Variants in FBXO34 observed in about 807,000 individuals in gnomAD.
The protein encoded by FBXO34 is F-box protein 34, also known as F-box only protein 34.
In FBXO34, 12 loss-of-function variants were observed where a neutral mutation model predicts 24.5. The ratio of observed to expected loss-of-function variants is 0.49; its 90% CI spans 0.31 to 0.79. The LOEUF (loss-of-function observed/expected upper bound fraction) is 0.79, where lower values mean the gene tolerates loss of function less well. Among genes scored for constraint, FBXO34 ranks in the 30% least tolerant of loss-of-function variants. The pLI is 0.04. For missense variants in FBXO34, 823 were observed against 857.7 expected (o/e 0.96, Z 0.51); for synonymous variants, 320 against 311.9 (o/e 1.03, Z -0.27).
the FBXO34 span, among the ~76,000 whole-genome samples, chr14:55,379,322 G>A: frequency 3.9e-5 from 6 of 152,020 alleles, no homozygotes; most frequent in East Asian, 5.9e-4. Context: ...GATCGCTTGA[G>A]CCCAGGAGTT....
chr14:55,369,416 A>C, downstream of FBXO34: 2 of 448,520 alleles, frequency 4.5e-6, no homozygotes, highest in East Asian at 3.4e-5. Flanking sequence ...CTGTTCTCTT[A>C]ATTATCATAA....
chr14:55,292,460 A>G (rs114926306), intron 1 of FBXO34, among the ~76,000 whole-genome samples: 30 of 152,240 alleles, frequency 2.0e-4, no homozygotes, highest in African/African-American at 6.5e-4. Flanking sequence ...CCTAGGCTCA[A>G]GTGATCCTCA....
At chr14:55,363,023 C>CT (rs398057110), downstream of FBXO34, among the ~76,000 whole-genome samples, 3,319 of 132,302 alleles carry the variant, frequency 0.025, 76 homozygotes, top group South Asian at 0.084. Context: ...TTCTCTCTCT[C>CT]TTTTTTTTTT....
chr14:55,316,104 CT>C (rs961207128), intron 1 of FBXO34, among the ~76,000 whole-genome samples: 5 of 150,788 alleles, frequency 3.3e-5, no homozygotes, highest in East Asian at 1.9e-4. Context: ...TTTTAGTCTT[CT>C]TTTTTTTTGG....
chr14:55,363,452 C>T (rs922941427), downstream of FBXO34, among the ~76,000 whole-genome samples: 6 of 151,920 alleles, frequency 3.9e-5, no homozygotes, highest in South Asian at 4.1e-4. Flanking sequence ...CTCAGCTTCC[C>T]GAGTAGCTGG....
At chr14:55,344,909 TTGTC>T (rs1393967520) in intron 1 of FBXO34, among the ~76,000 whole-genome samples, 26 of 151,884 alleles carry the variant, frequency 1.7e-4, no homozygotes, top group Admixed American at 1.2e-3. Context: ...TTTGTTGTAA[TTGTC>T]TGTTTGCTTT....
the FBXO34 span, among the ~76,000 whole-genome samples, chr14:55,385,485 G>A: frequency 1.3e-5 from 2 of 152,222 alleles, no homozygotes; most frequent in East Asian, 1.9e-4. Context: ...TAGAGACAGG[G>A]TTTTGCCATG....
At chr14:55,302,140 G>A (rs186855669) in intron 1 of FBXO34, among the ~76,000 whole-genome samples, 1 of 152,332 alleles carries the variant, frequency 6.6e-6, no homozygotes, top group Non-Finnish European at 1.5e-5. Flanking sequence ...CAAAAATAAA[G>A]CAGCAGTCCT....
intron 1 of FBXO34, among the ~76,000 whole-genome samples, chr14:55,305,481 G>A (rs1040843466): frequency 6.6e-6 from 1 of 151,580 alleles, no homozygotes; most frequent in Non-Finnish European, 1.5e-5. Context: ...GATCACTTGA[G>A]GTCAGGAGTT....
intron 1 of FBXO34, among the ~76,000 whole-genome samples, chr14:55,322,842 C>T (rs146345475): frequency 6.6e-6 from 1 of 151,832 alleles, no homozygotes; most frequent in East Asian, 1.9e-4. Flanking sequence ...TTGGATTTTA[C>T]ATTTTACTCA....
chr14:55,385,671 C>T, the FBXO34 span, among the ~76,000 whole-genome samples: 1 of 152,188 alleles, frequency 6.6e-6, no homozygotes, highest in African/African-American at 2.4e-5. Context: ...GTGGGCCCCA[C>T]CCCTCACCTC....
chr14:55,430,916 G>GT, the FBXO34 span, among the ~76,000 whole-genome samples: 1 of 152,116 alleles, frequency 6.6e-6, no homozygotes, highest in African/African-American at 2.4e-5. Context: ...AGTTTGCATA[G>GT]TCCTGTAGTT....
chr14:55,274,689 T>A (rs1462080595), intron 1 of FBXO34, among the ~76,000 whole-genome samples: 2 of 152,190 alleles, frequency 1.3e-5, no homozygotes, highest in Non-Finnish European at 2.9e-5. Context: ...TTTAAATTCT[T>A]AAAAATTTTT....
intron 1 of FBXO34, among the ~76,000 whole-genome samples, chr14:55,314,799 G>A (rs530933750): frequency 4.6e-5 from 7 of 152,168 alleles, no homozygotes; most frequent in Admixed American, 1.3e-4. Flanking sequence ...TTTCATTGAA[G>A]TATTAAATGT....
chr14:55,362,804 A>G (rs748742323), downstream of FBXO34, among the ~76,000 whole-genome samples: 15 of 151,520 alleles, frequency 9.9e-5, no homozygotes, highest in Non-Finnish European at 2.1e-4. Context: ...TGAGAGCAAC[A>G]TACTTACACT....
At chr14:55,382,406 C>G in the FBXO34 span, among the ~76,000 whole-genome samples, 1 of 152,116 alleles carries the variant, frequency 6.6e-6, no homozygotes, top group African/African-American at 2.4e-5. Context: ...AGCCTTGACT[C>G]CTAGACTCCA....
downstream of FBXO34, among the ~76,000 whole-genome samples, chr14:55,363,177 C>A (rs545794838): frequency 6.7e-6 from 1 of 150,070 alleles, no homozygotes; most frequent in South Asian, 2.1e-4. Context: ...CACACACCAC[C>A]ACGCCTGGCT....
chr14:55,393,687 G>A, the FBXO34 span, among the ~76,000 whole-genome samples: 1 of 151,788 alleles, frequency 6.6e-6, no homozygotes, highest in Non-Finnish European at 1.5e-5. Flanking sequence ...TGGGACTACA[G>A]GTATATACTA....
intron 1 of FBXO34, chr14:55,282,341 G>C (rs1262024769): frequency 4.4e-6 from 2 of 459,352 alleles, no homozygotes; most frequent in Non-Finnish European, 8.8e-6. Flanking sequence ...CTTTCACAAT[G>C]ATTTTCTGCT....
Sources: allele counts gnomAD v4.1 joint callset (sites outside exome capture counted in the v4.1 genomes callset), GRCh38; gene constraint gnomAD v4.1.1; transcripts MANE v1.5; gene names NCBI Gene and HGNC (gene_info 2026-07-23, HGNC 2026-07-21).